The following GLS variants were observed in gnomAD, a reference collection of about 807,000 sequenced individuals.
GLS encodes glutaminase.
In GLS, 36 loss-of-function variants were observed where a neutral mutation model predicts 86.7. That is an observed-to-expected ratio of 0.42 (90% CI 0.32 to 0.55). The LOEUF is 0.55. Among genes scored for constraint, GLS ranks in the 20% least tolerant of loss-of-function variants. The pLI, the probability that GLS is intolerant of heterozygous loss-of-function variation, is 0.17. For synonymous variants in GLS, 317 were observed against 305.9 expected, an observed-to-expected ratio of 1.04 and a Z score of -0.38; for missense variants, 528 against 833.4, an observed-to-expected ratio of 0.63 and a Z score of 4.51.
intron 14 of GLS, among the ~76,000 whole-genome samples, chr2:190,944,886 T>A (rs1690540988): frequency 6.6e-6 from 1 of 152,248 alleles, no homozygotes; most frequent in Admixed American, 6.5e-5. Flanking sequence ...TTTGTTCTTT[T>A]ATTTTCCCTT....
intron 1 of GLS, among the ~76,000 whole-genome samples, chr2:190,886,477 A>T (rs1037320492): frequency 7.2e-5 from 11 of 152,232 alleles, no homozygotes; most frequent in African/African-American, 1.9e-4. Flanking sequence ...AATGACTACC[A>T]AATAGAATTC....
At chr2:190,904,410 T>G (rs182309720) in intron 5 of GLS, among the ~76,000 whole-genome samples, 1 of 152,300 alleles carries the variant, frequency 6.6e-6, no homozygotes. Flanking sequence ...AATTTCCACA[T>G]TACATATTTA....
chr2:190,901,871 A>G, intron 4 of GLS, 76 bp from the exon 5 acceptor site: 1 of 908,288 alleles, frequency 1.1e-6, no homozygotes, highest in East Asian at 2.4e-5. Context: ...AAATGAGATA[A>G]GAAATTTGTT....
chr2:190,936,171 A>T lies in GLS; in HGVS notation c.1650+4534A>T, dbSNP rs968192486. On this transcript the variant is annotated intron_variant, in intron 14 of 17. Coordinates refer to ENST00000320717, the MANE Select transcript of GLS (RefSeq NM_014905.5). ...ATTACTTGCTTTTAAAGATTTTTTT[A>T]AAAAATTTATTTGAAGTAAAGAGAG... 5.3e-5 allele frequency among the ~76,000 whole-genome samples: 8 copies of T among 151,176 alleles called. No individual in the cohort carries two copies. The South Asian group carries it at 6.2e-4, about 12-fold the overall frequency.
chr2:190,902,222 C>G (rs1159472620), intron 5 of GLS, among the ~76,000 whole-genome samples, 196 bp downstream of exon 5: 2 of 152,054 alleles, frequency 1.3e-5, no homozygotes, highest in African/African-American at 4.8e-5. Context: ...TTTTATGAGA[C>G]ATCTATTTTA....
intron 14 of GLS, among the ~76,000 whole-genome samples, chr2:190,946,120 C>A (rs999499074): frequency 6.6e-6 from 1 of 152,040 alleles, no homozygotes. Flanking sequence ...ATTAAATAAG[C>A]TCAGTAGTAA....
intron 17 of GLS, among the ~76,000 whole-genome samples, chr2:190,960,784 G>A (rs570881045): frequency 6.6e-6 from 1 of 152,248 alleles, no homozygotes; most frequent in South Asian, 2.1e-4. Context: ...AATTTTGTAA[G>A]TTTGCTAACA....
At chr2:190,936,632 A>C (rs1451066152) in intron 14 of GLS, among the ~76,000 whole-genome samples, 1 of 151,152 alleles carries the variant, frequency 6.6e-6, no homozygotes, top group Non-Finnish European at 1.5e-5. Flanking sequence ...AGGGTAAGAG[A>C]GTAACTAACA....
chr2:190,902,170 T>C (rs1688966750), intron 5 of GLS, 144 bp downstream of exon 5: 1 of 541,394 alleles, frequency 1.8e-6, no homozygotes, highest in South Asian at 3.0e-5. Flanking sequence ...ATTTAAATTT[T>C]AATGTAATTT....
Position 190,895,888 on chromosome 2 carries a change from A to G in GLS, c.605+163A>G, listed in dbSNP as rs762164999. The G allele has an allele frequency of 2.3e-5, 11 of 486,390 alleles. No individual in the cohort carries two copies. Among genetic ancestry groups the G allele is most frequent in the East Asian group, 1.3e-4 (4 of 31,558 alleles). 30.1% of individuals were successfully genotyped at this position (486,390 alleles called of 1,614,324 possible). On this transcript the variant is annotated intron_variant, in intron 3 of 17. Transcript: ENST00000320717. This position sits in a 1 kb window ranked among gnomAD's most constrained non-coding sequence, Gnocchi z 4.2. ...AAGAACTTGGTACATATTAGGTTCT[A>G]TAATACACCGGGCTAAGAGTATTCT...
Position 190,962,631 on chromosome 2 carries a change from C to A in GLS, c.1854-199C>A, listed in dbSNP as rs1691030468. ...TCACAGATCTTTTTCTCTTCCTCTCCATATCCCAACTTGTCTTGGAGACTA... is the reference window on the plus strand; with the variant it reads ...TCACAGATCTTTTTCTCTTCCTCTCAATATCCCAACTTGTCTTGGAGACTA... On this transcript the variant is annotated intron_variant, in intron 17 of 17. Coordinates refer to ENST00000320717, the MANE Select transcript of GLS (RefSeq NM_014905.5). This position sits in a 1 kb window ranked among gnomAD's most constrained non-coding sequence, Gnocchi z 4.2. Among the ~76,000 whole-genome samples the A allele has an allele frequency of 6.6e-6, 1 of 152,158 alleles. No homozygotes were observed. The highest frequency in any genetic ancestry group is 1.5e-5 in the Non-Finnish European group (1 of 68,020).
chr2:190,915,412 A>G (rs1336593763), intron 7 of GLS, among the ~76,000 whole-genome samples: 1 of 152,064 alleles, frequency 6.6e-6, no homozygotes, highest in Non-Finnish European at 1.5e-5. Context: ...TGATAAGTAT[A>G]TTTCTTCCAA....
At chr2:190,923,815 T>G in intron 9 of GLS, 102 bp from the exon 10 acceptor site, 1 of 739,008 alleles carries the variant, frequency 1.4e-6, no homozygotes, top group Non-Finnish European at 2.4e-6. Context: ...TGAATCTTAG[T>G]TCAGTGTTCT....
At chr2:190,900,147 A>G (rs1422767892) in intron 3 of GLS, among the ~76,000 whole-genome samples, 4 of 152,190 alleles carry the variant, frequency 2.6e-5, no homozygotes, top group Non-Finnish European at 5.9e-5. Context: ...TAATAGTTAT[A>G]TAAGAACTAA....
rs1690153574 is a variant in GLS at position 190,932,883 on chromosome 2, G to GA, written c.1650+1248dup. Reference sequence around the variant, plus strand: ...GCTAAAGAAATGGGTTCTAGTTTCAGAATGTTTCTTCATTTAATCTTTCAA... The same window carrying GA: ...GCTAAAGAAATGGGTTCTAGTTTCAGAAATGTTTCTTCATTTAATCTTTCAA... On this transcript the variant is annotated intron_variant, in intron 14 of 17. Transcript: ENST00000320717. The GA allele has an allele frequency of 2.1e-6, 3 of 1,447,420 alleles. No homozygotes were observed. The African/African-American group carries it at 4.4e-5, about 21-fold the overall frequency. The allele number at this position is 1,447,420 out of a possible 1,614,324, so 89.7% of individuals were successfully genotyped here. A position where few individuals can be genotyped will look rare whatever the true frequency, so the allele number is the denominator to read the frequency against.
intron 1 of GLS, among the ~76,000 whole-genome samples, chr2:190,893,784 C>A (rs572869445): frequency 6.6e-6 from 1 of 151,978 alleles, no homozygotes; most frequent in African/African-American, 2.4e-5. Context: ...GGGGTTTCAC[C>A]GTGTTGGCCA....
chr2:190,961,881 AG>A (rs1248248533), intron 17 of GLS, among the ~76,000 whole-genome samples: 2 of 152,348 alleles, frequency 1.3e-5, no homozygotes, highest in Middle Eastern at 3.4e-3. Context: ...AGAAGGAAAC[AG>A]GAAGAAGTGA....
At chr2:190,936,819 G>A (rs1690283037) in intron 14 of GLS, among the ~76,000 whole-genome samples, 1 of 151,198 alleles carries the variant, frequency 6.6e-6, no homozygotes, top group Non-Finnish European at 1.5e-5. Flanking sequence ...AGTTACTGTG[G>A]TACAGTTTTT....
At position 190,965,526 on chromosome 2, in the gene GLS, T is replaced by A. The variant is rs1383486621; in HGVS notation, c.*2540T>A. On this transcript the variant is annotated 3_prime_UTR_variant, in exon 18 of 18. Transcript: ENST00000320717. This position sits in a 1 kb window ranked among gnomAD's most constrained non-coding sequence, Gnocchi z 5.0. The stretch of plus-strand genomic sequence containing the variant: ...TCAGGTAGTGTTGCTTTTTACAGCA[T>A]AATAAATATATGTATCAAAAAAAAA... 6.6e-6 allele frequency: 1 copy of A among 152,404 alleles called. No homozygotes were observed. The highest frequency in any genetic ancestry group is 2.1e-4 in the South Asian group (1 of 4,822). The allele number at this position is 152,404 out of a possible 1,614,324, so 9.4% of individuals were successfully genotyped here. A position where few individuals can be genotyped will look rare whatever the true frequency, so the allele number is the denominator to read the frequency against.
Sources: gnomAD v4.1 joint callset for allele counts (sites outside exome capture counted in the v4.1 genomes callset) on GRCh38, gnomAD v4.1.1 for gene constraint, Gnocchi (gnomAD v3.1) non-coding constraint, MANE v1.5 for transcripts, NCBI Gene and HGNC (gene_info 2026-07-23, HGNC 2026-07-21) for gene names.